Variants in CD109 observed in about 807,000 individuals in gnomAD.
The protein encoded by CD109 is CD109 antigen.
CD109 carries 149 observed loss-of-function variants against 165.8 expected under a neutral mutation model. The ratio of observed to expected loss-of-function variants is 0.90; its 90% CI spans 0.79 to 1.03. CD109 has a LOEUF of 1.03. CD109 is among the 50% of genes least tolerant of loss of function. The probability of loss-of-function intolerance (pLI) is 0.00; values close to 1 mark genes in which losing one functional copy is unlikely to be tolerated. For missense variants in CD109, 1,712 were observed against 1,677.8 expected (o/e 1.02, Z -0.36); for synonymous variants, 585 against 592.1 (o/e 0.99, Z 0.18).
the CD109 span, among the ~76,000 whole-genome samples, chr6:73,690,326 A>C: frequency 3.6e-4 from 55 of 152,296 alleles, no homozygotes; most frequent in Non-Finnish European, 7.1e-4. Context: ...GTGAAAGGCG[A>C]AGTTTCTGAG....
At chr6:73,688,746 TGA>T in the CD109 span, among the ~76,000 whole-genome samples, 1 of 148,202 alleles carries the variant, frequency 6.7e-6, no homozygotes, top group Non-Finnish European at 1.5e-5. Context: ...TATAGGGTTC[TGA>T]GAGTTTTTCT....
At chr6:73,757,876 G>A (rs1773455176) in intron 6 of CD109, among the ~76,000 whole-genome samples, 1 of 152,144 alleles carries the variant, frequency 6.6e-6, no homozygotes, top group African/African-American at 2.4e-5. Flanking sequence ...AGACAGCCCT[G>A]ATCTAGAAGA....
intron 29 of CD109, among the ~76,000 whole-genome samples, chr6:73,814,322 G>T (rs74929648): frequency 0.024 from 3,612 of 152,214 alleles, 163 homozygotes; most frequent in African/African-American, 0.082. Context: ...CTGGAGATGA[G>T]ATTGGACTAG....
intron 4 of CD109, among the ~76,000 whole-genome samples, chr6:73,733,659 G>C (rs1454507919): frequency 6.6e-6 from 1 of 152,190 alleles, no homozygotes; most frequent in East Asian, 1.9e-4. Flanking sequence ...GAATGATCTT[G>C]TAGGGGAACA....
chr6:73,762,568 G>A, intron 8 of CD109, 88 bp downstream of exon 8: 2 of 1,050,080 alleles, frequency 1.9e-6, no homozygotes, highest in East Asian at 2.5e-5. Context: ...TTAACAAAAA[G>A]TTAAGTGTAA....
chr6:73,764,219 G>GA (rs1434718276), intron 10 of CD109, among the ~76,000 whole-genome samples: 1 of 152,184 alleles, frequency 6.6e-6, no homozygotes, highest in African/African-American at 2.4e-5. Flanking sequence ...ATGGTGACAG[G>GA]AAAATATATA....
At chr6:73,812,685 CAATT>C (rs931641136) in intron 29 of CD109, among the ~76,000 whole-genome samples, 5 of 151,922 alleles carry the variant, frequency 3.3e-5, no homozygotes, top group South Asian at 4.1e-4. Flanking sequence ...GTAAATATAA[CAATT>C]AAAGCATAAT....
At chr6:73,820,623 T>G in intron 32 of CD109, 60 bp downstream of exon 32, 1 of 1,031,330 alleles carries the variant, frequency 9.7e-7, no homozygotes, top group Non-Finnish European at 1.5e-6. Context: ...CATTCATTTA[T>G]TGGAAGTGAC....
intron 15 of CD109, among the ~76,000 whole-genome samples, chr6:73,779,466 T>A (rs1400701154): frequency 6.6e-6 from 1 of 152,088 alleles, no homozygotes; most frequent in East Asian, 1.9e-4. Flanking sequence ...GCCAGGCTGG[T>A]CTCAAACTCC....
intron 7 of CD109, among the ~76,000 whole-genome samples, chr6:73,760,717 A>G (rs1308523038): frequency 6.6e-6 from 1 of 151,804 alleles, no homozygotes; most frequent in African/African-American, 2.4e-5. Flanking sequence ...GTAGTGGCAG[A>G]CGCCTATAAT....
intron 23 of CD109, among the ~76,000 whole-genome samples, chr6:73,797,100 T>G (rs1164777848): frequency 6.6e-6 from 1 of 152,236 alleles, no homozygotes; most frequent in Non-Finnish European, 1.5e-5. Context: ...ATGATTATAT[T>G]ATTTAAATGT....
At chr6:73,699,380 T>C (rs965995325) in intron 2 of CD109, among the ~76,000 whole-genome samples, 2 of 152,114 alleles carry the variant, frequency 1.3e-5, no homozygotes, top group Non-Finnish European at 2.9e-5. Context: ...AAAAAAAGAA[T>C]TTATAATATT....
chr6:73,818,392 T>C lies in CD109; in HGVS notation c.3916T>C (p.Ser1306Pro), dbSNP rs752625556. The part of the protein sequence containing the change: ...HVDLNVCTSF[S>P]GPGRSGMALM... ...CATCCTCCCTCTTTGATTTAGCTTT[T>C]CGGGCCCGGGTAGGAGTGGCATGGC... Residue 1306 changes from serine to proline, a missense_variant, in exon 31 of 33, where the codon TCG (serine) becomes CCG (proline). Physicochemically the swap from Ser to Pro is moderately conservative, Grantham distance 74. Coordinates refer to ENST00000287097, the MANE Select transcript of CD109 (RefSeq NM_133493.5). The C allele has an allele frequency of 6.2e-7, 1 of 1,613,800 alleles. No homozygotes were observed. The highest frequency in any genetic ancestry group is 1.3e-5 in the African/African-American group (1 of 74,998).
At chr6:73,784,254 CA>C (rs1162681324) in intron 19 of CD109, among the ~76,000 whole-genome samples, 84 of 152,206 alleles carry the variant, frequency 5.5e-4, no homozygotes, top group African/African-American at 1.9e-3. Flanking sequence ...TTTCCTAAGC[CA>C]GTCACTGGCA....
intron 2 of CD109, among the ~76,000 whole-genome samples, chr6:73,698,200 C>T (rs1347846091): frequency 6.6e-6 from 1 of 152,152 alleles, no homozygotes; most frequent in African/African-American, 2.4e-5. Context: ...AGTTTGGGTT[C>T]TGACATGGCC....
intron 2 of CD109, among the ~76,000 whole-genome samples, chr6:73,704,179 C>CA (rs58505053): frequency 0.12 from 9,521 of 79,022 alleles, 523 homozygotes; most frequent in African/African-American, 0.23. Context: ...GACTCCATCT[C>CA]AAAAAAAAAA....
At chr6:73,705,955 A>G (rs1158772022) in intron 2 of CD109, among the ~76,000 whole-genome samples, 1 of 152,196 alleles carries the variant, frequency 6.6e-6, no homozygotes, top group Non-Finnish European at 1.5e-5. Flanking sequence ...AAGGCACATT[A>G]GAAAGGTGAA....
intron 19 of CD109, among the ~76,000 whole-genome samples, chr6:73,784,082 A>C (rs1007105218): frequency 1.3e-5 from 2 of 152,190 alleles, no homozygotes; most frequent in African/African-American, 2.4e-5. Flanking sequence ...AACCATCTCC[A>C]AAGGCCAGAA....
chr6:73,709,842 A>G (rs1173997243), intron 2 of CD109, among the ~76,000 whole-genome samples: 2 of 152,214 alleles, frequency 1.3e-5, no homozygotes, highest in East Asian at 1.9e-4. Context: ...GACAAAAACC[A>G]CATGATTATC....
Sources: allele counts gnomAD v4.1 joint callset (sites outside exome capture counted in the v4.1 genomes callset), GRCh38; gene constraint gnomAD v4.1.1; transcripts MANE v1.5; gene names NCBI Gene and HGNC (gene_info 2026-07-23, HGNC 2026-07-21).